The following CSMD1 variants were observed in gnomAD, a reference collection of about 807,000 sequenced individuals.
The protein encoded by CSMD1 is CUB and sushi domain-containing protein 1.
A neutral mutation model predicts 417.5 loss-of-function variants in CSMD1; 213 were observed. That is an observed-to-expected ratio of 0.51 (90% CI 0.46 to 0.57). The LOEUF is 0.57. CSMD1 is among the 20% of genes least tolerant of loss of function. The probability of loss-of-function intolerance (pLI) is 0.00; values close to 1 mark genes in which losing one functional copy is unlikely to be tolerated. For missense variants in CSMD1, 6,923 were observed against 4,529.7 expected (o/e 1.53, Z -15.17); for synonymous variants, 2,862 against 1,736.8 (o/e 1.65, Z -16.11).
chr8:4,166,144 A>T (rs927679914), intron 3 of CSMD1, among the ~76,000 whole-genome samples: 1 of 152,202 alleles, frequency 6.6e-6, no homozygotes, highest in African/African-American at 2.4e-5. Context: ...TGTGAACCCC[A>T]TAACATTATT....
At chr8:4,622,173 A>T (rs77950734) in intron 2 of CSMD1, among the ~76,000 whole-genome samples, 55 of 114,412 alleles carry the variant, frequency 4.8e-4, no homozygotes, top group Non-Finnish European at 2.8e-4. Flanking sequence ...AAAGAGAATT[A>T]AAAAAAAAAA....
At position 4,175,606 on chromosome 8, in the gene CSMD1, C is replaced by T. The variant is rs540283271; in HGVS notation, c.416-143507G>A. Among the ~76,000 whole-genome samples the T allele has an allele frequency of 5.3e-5, 8 of 152,120 alleles. No individual in the cohort carries two copies. The South Asian group carries it at 1.0e-3, about 20-fold the overall frequency. Reference sequence around the variant, plus strand: ...TAGGAGAGTAAATATACAATGATCACGCAATTATCACAGCATAATTTGTGA... The same window carrying T: ...TAGGAGAGTAAATATACAATGATCATGCAATTATCACAGCATAATTTGTGA... On this transcript the variant is annotated intron_variant, in intron 3 of 69. Coordinates refer to ENST00000635120, the MANE Select transcript of CSMD1 (RefSeq NM_033225.6).
intron 3 of CSMD1, among the ~76,000 whole-genome samples, chr8:4,248,857 C>G (rs1205278548): frequency 1.3e-5 from 2 of 151,962 alleles, no homozygotes; most frequent in African/African-American, 4.8e-5. Flanking sequence ...ATTGCTAACT[C>G]TCAAAAGTCA....
At chr8:4,422,529 G>T (rs556856400) in intron 2 of CSMD1, among the ~76,000 whole-genome samples, 1 of 152,046 alleles carries the variant, frequency 6.6e-6, no homozygotes, top group Non-Finnish European at 1.5e-5. Flanking sequence ...ATGTGAGCAT[G>T]GAACAGGAAG....
intron 47 of CSMD1, among the ~76,000 whole-genome samples, chr8:3,095,145 A>T (rs867114171): frequency 6.6e-6 from 1 of 152,182 alleles, no homozygotes; most frequent in Non-Finnish European, 1.5e-5. Context: ...GTATATTTCA[A>T]TTCAACTACT....
chr8:3,268,903 C>T (rs1419046035), intron 26 of CSMD1, among the ~76,000 whole-genome samples: 1 of 152,036 alleles, frequency 6.6e-6, no homozygotes, highest in Non-Finnish European at 1.5e-5. Context: ...AGAAAGGTGG[C>T]CATAAGTGAT....
intron 3 of CSMD1, among the ~76,000 whole-genome samples, chr8:4,073,222 T>A (rs1456980651): frequency 6.6e-6 from 1 of 152,044 alleles, no homozygotes; most frequent in East Asian, 1.9e-4. Flanking sequence ...TTTTTAAAAA[T>A]AAAAAGCAAT....
At chr8:2,981,266 G>T (rs1042323452) in intron 54 of CSMD1, among the ~76,000 whole-genome samples, 1 of 152,204 alleles carries the variant, frequency 6.6e-6, no homozygotes, top group Admixed American at 6.5e-5. Context: ...TTTCCCATCT[G>T]TATTTGTTTT....
At chr8:4,772,760 T>C (rs905188547) in intron 1 of CSMD1, among the ~76,000 whole-genome samples, 6 of 152,200 alleles carry the variant, frequency 3.9e-5, no homozygotes, top group Non-Finnish European at 1.5e-5. Context: ...GAAGAACCTC[T>C]TGGCTAACAG....
intron 1 of CSMD1, among the ~76,000 whole-genome samples, chr8:4,889,889 G>A (rs1342065946): frequency 6.6e-6 from 1 of 152,110 alleles, no homozygotes. Flanking sequence ...AAAATGTATA[G>A]CAATTTGTCC....
At chr8:4,219,168 C>T (rs959202863) in intron 3 of CSMD1, among the ~76,000 whole-genome samples, 4 of 152,116 alleles carry the variant, frequency 2.6e-5, no homozygotes, top group African/African-American at 9.7e-5. Flanking sequence ...GTTGTGTTCC[C>T]ATCTCCCCTC....
chr8:4,572,749 T>C (rs1038491177), intron 2 of CSMD1, among the ~76,000 whole-genome samples: 4 of 152,196 alleles, frequency 2.6e-5, no homozygotes. Context: ...CACTTTCAGG[T>C]CCATCAATCA....
intron 10 of CSMD1, among the ~76,000 whole-genome samples, chr8:3,570,543 T>C (rs1310595824): frequency 7.7e-6 from 1 of 129,588 alleles, no homozygotes; most frequent in Non-Finnish European, 1.6e-5. Context: ...TGAGGGGAAA[T>C]ATTGTCTCCG....
At chr8:3,780,041 T>A (rs77817041) in intron 5 of CSMD1, among the ~76,000 whole-genome samples, 1 of 152,226 alleles carries the variant, frequency 6.6e-6, no homozygotes, top group African/African-American at 2.4e-5. Context: ...ACTCTACTTC[T>A]ACTTTTGTGA....
At chr8:3,838,400 A>G (rs1585070474) in intron 5 of CSMD1, among the ~76,000 whole-genome samples, 2 of 62,334 alleles carry the variant, frequency 3.2e-5, no homozygotes, top group South Asian at 4.0e-4. Context: ...TATATAGCCT[A>G]TATATATAGA....
At position 2,957,706 on chromosome 8, in the gene CSMD1, G is replaced by T; in HGVS notation, c.9804C>A (p.Thr3268=). ...AGAAATCACACTTACGTATACATTC[G>T]GTCTGTATCCCACTCCATGTTAAAT... ...LANLTWSGIQ[T]ECIPHACRQP... is the part of the protein sequence containing the mutation. Residue 3268 remains threonine (T), a synonymous_variant, in exon 63 of 70, where the codon ACC becomes ACA. Transcript: ENST00000635120. The T allele has an allele frequency of 1.3e-6, 2 of 1,582,810 alleles. No individual in the cohort carries two copies. Among genetic ancestry groups the T allele is most frequent in the South Asian group, 1.2e-5 (1 of 86,778 alleles).
intron 17 of CSMD1, among the ~76,000 whole-genome samples, chr8:3,390,393 A>G (rs983069865): frequency 2.7e-5 from 4 of 148,424 alleles, no homozygotes; most frequent in Non-Finnish European, 4.5e-5. Context: ...ATTTTGTAGC[A>G]GGTGATTTAT....
intron 1 of CSMD1, among the ~76,000 whole-genome samples, chr8:4,938,391 A>G (rs1364352321): frequency 1.3e-5 from 2 of 152,224 alleles, no homozygotes; most frequent in Non-Finnish European, 2.9e-5. Flanking sequence ...GTTATTACAA[A>G]TATGACTCCA....
intron 7 of CSMD1, among the ~76,000 whole-genome samples, chr8:3,646,364 C>A (rs1485442138): frequency 6.6e-6 from 1 of 152,010 alleles, no homozygotes; most frequent in Non-Finnish European, 1.5e-5. Flanking sequence ...TATTTTCCAA[C>A]TTTTTTCTAT....
Sources: gnomAD v4.1 joint callset for allele counts (sites outside exome capture counted in the v4.1 genomes callset) on GRCh38, gnomAD v4.1.1 for gene constraint, MANE v1.5 for transcripts, NCBI Gene and HGNC (gene_info 2026-07-23, HGNC 2026-07-21) for gene names.